Variants in TMEM232 observed in about 807,000 individuals in gnomAD.
The protein encoded by TMEM232 is transmembrane protein 232.
Under a neutral mutation model 78.8 loss-of-function variants are expected in TMEM232, and 80 were observed. The observed-to-expected ratio is 1.01, with a 90% CI of 0.85 to 1.22. TMEM232 has a LOEUF of 1.22. TMEM232 is among the 50% of genes most tolerant of loss of function. TMEM232 has a pLI of 0.00. For synonymous variants in TMEM232, 297 were observed against 254.3 expected (o/e 1.17, Z -1.60); for missense variants, 881 against 742.2 (o/e 1.19, Z -2.17).
chr5:110,605,304 A>G lies in TMEM232; in HGVS notation c.1081T>C (p.Tyr361His). 6.4e-7 allele frequency: 1 copy of G among 1,551,288 alleles called. No homozygotes were observed. The highest frequency in any genetic ancestry group is 8.7e-7 in the Non-Finnish European group (1 of 1,146,700). ...FSWAWNVVYI[Y>H]TVILAEICLY... Reference sequence around the variant, plus strand: ...CAGATTTCTGCAAGAATTACTGTATATATGTAGACTACATTCCAGGCCCAG... The same window carrying G: ...CAGATTTCTGCAAGAATTACTGTATGTATGTAGACTACATTCCAGGCCCAG... The change falls in exon 10 of 14, where the codon TAT (tyrosine) becomes CAT (histidine). Residue 361 changes from tyrosine to histidine, a missense_variant. Transcript: ENST00000455884.
chr5:110,432,630 A>G (rs1757985174), intron 12 of TMEM232, among the ~76,000 whole-genome samples: 1 of 151,790 alleles, frequency 6.6e-6, no homozygotes, highest in Non-Finnish European at 1.5e-5. Context: ...TAATATTTCA[A>G]TATTAATCTT....
At chr5:110,439,148 T>A (rs1038030193) in intron 12 of TMEM232, among the ~76,000 whole-genome samples, 1 of 152,106 alleles carries the variant, frequency 6.6e-6, no homozygotes, top group Non-Finnish European at 1.5e-5. Flanking sequence ...GCCTCAAGAT[T>A]ACAGCTGCCT....
intron 1 of TMEM232, among the ~76,000 whole-genome samples, chr5:110,714,273 T>C (rs913952251): frequency 6.6e-6 from 1 of 152,140 alleles, no homozygotes; most frequent in Non-Finnish European, 1.5e-5. Context: ...TAATCAATCA[T>C]CTCCCTCCAG....
At chr5:110,429,724 AT>A (rs1008588229) in intron 12 of TMEM232, among the ~76,000 whole-genome samples, 1 of 151,800 alleles carries the variant, frequency 6.6e-6, no homozygotes, top group African/African-American at 2.4e-5. Flanking sequence ...TTCCCCCCTT[AT>A]CCCACTTTTT....
chr5:110,458,035 A>G (rs912254373), intron 12 of TMEM232, among the ~76,000 whole-genome samples: 4 of 152,128 alleles, frequency 2.6e-5, no homozygotes, highest in Non-Finnish European at 5.9e-5. Flanking sequence ...TGCACATTTA[A>G]GTGCTTTACT....
At chr5:110,488,485 T>C (rs1442171691) in intron 12 of TMEM232, among the ~76,000 whole-genome samples, 2 of 152,136 alleles carry the variant, frequency 1.3e-5, no homozygotes, top group South Asian at 2.1e-4. Flanking sequence ...AAGCAATTGG[T>C]TCAAGAAGAA....
At chr5:110,407,793 C>A (rs1454935162) in intron 2 of TMEM232, among the ~76,000 whole-genome samples, 1 of 151,980 alleles carries the variant, frequency 6.6e-6, no homozygotes, top group Non-Finnish European at 1.5e-5. Context: ...CAAGCCTGTA[C>A]AAATTTTTTT....
In TMEM232 at chr5:110,605,241, A is replaced by C; in HGVS notation, c.1144T>G (p.Leu382Val). 6.4e-7 allele frequency: 1 copy of C among 1,551,238 alleles called. No homozygotes were observed. The highest frequency in any genetic ancestry group is 8.7e-7 in the Non-Finnish European group (1 of 1,146,726). ...CTTTTACAGTGACAGAAACCAATTA[A>C]AGCAGTTTTTCGCAAATCAGAAGTG... ...AATSDLRKTA[L>V]IGFCHCKSSQ... Residue 382 changes from leucine (L) to valine (V), a missense_variant, in exon 10 of 14, where the codon TTA (leucine) becomes GTA (valine). Leu to Val is a conservative substitution (Grantham distance 32, BLOSUM62 1). Coordinates refer to ENST00000455884, the MANE Select transcript of TMEM232 (RefSeq NM_001039763.4).
At chr5:110,550,146 A>G (rs1774274714) in intron 11 of TMEM232, among the ~76,000 whole-genome samples, 1 of 152,212 alleles carries the variant, frequency 6.6e-6, no homozygotes, top group Non-Finnish European at 1.5e-5. Flanking sequence ...ATTGGTCAAC[A>G]AAAGAAAATC....
chr5:110,537,291 A>ATATT (rs1554102698), intron 11 of TMEM232, among the ~76,000 whole-genome samples: 29 of 136,418 alleles, frequency 2.1e-4, no homozygotes, highest in Admixed American at 7.8e-4. Context: ...ATATATATAT[A>ATATT]TTTTTTTTTT....
intron 12 of TMEM232, among the ~76,000 whole-genome samples, chr5:110,518,715 A>C (rs1292215092): frequency 6.6e-6 from 1 of 152,168 alleles, no homozygotes; most frequent in African/African-American, 2.4e-5. Context: ...TGCTGCACTC[A>C]ATTATTACAG....
chr5:110,721,251 T>C (rs2150347345), intron 1 of TMEM232, among the ~76,000 whole-genome samples: 1 of 152,148 alleles, frequency 6.6e-6, no homozygotes, highest in South Asian at 2.1e-4. Context: ...CAACAAACAT[T>C]GATAGATTTT....
intron 2 of TMEM232, among the ~76,000 whole-genome samples, chr5:110,409,352 T>C (rs928766319): frequency 2.0e-5 from 3 of 152,136 alleles, no homozygotes; most frequent in African/African-American, 7.2e-5. Flanking sequence ...TTAATTAAGG[T>C]TGGTTGTGAA....
intron 6 of TMEM232, among the ~76,000 whole-genome samples, chr5:110,626,613 C>T (rs1215097855): frequency 1.3e-5 from 2 of 152,006 alleles, no homozygotes; most frequent in Non-Finnish European, 1.5e-5. Context: ...GACATATTTA[C>T]ATATCAGCAT....
intron 1 of TMEM232, among the ~76,000 whole-genome samples, chr5:110,721,178 T>C (rs532620951): frequency 6.6e-6 from 1 of 152,124 alleles, no homozygotes; most frequent in African/African-American, 2.4e-5. Context: ...ACCTCCTGAA[T>C]GTAAAAATAA....
At chr5:110,467,926 G>A (rs1472926359) in intron 12 of TMEM232, among the ~76,000 whole-genome samples, 1 of 151,848 alleles carries the variant, frequency 6.6e-6, no homozygotes, top group Non-Finnish European at 1.5e-5. Flanking sequence ...TTGGCTTTGG[G>A]TGCATCACCC....
At chr5:110,644,424 CCAAA>C (rs1266900979) in intron 2 of TMEM232, among the ~76,000 whole-genome samples, 1 of 151,398 alleles carries the variant, frequency 6.6e-6, no homozygotes, top group Non-Finnish European at 1.5e-5. Context: ...TTTTAATAAC[CCAAA>C]CATTCAGAGA....
At chr5:110,569,359 T>C (rs1776680147) in intron 10 of TMEM232, among the ~76,000 whole-genome samples, 1 of 151,896 alleles carries the variant, frequency 6.6e-6, no homozygotes, top group South Asian at 2.1e-4. Context: ...ATATTGTATA[T>C]TGCTATGCAG....
At chr5:110,447,060 A>C (rs1759731681) in intron 12 of TMEM232, among the ~76,000 whole-genome samples, 1 of 151,842 alleles carries the variant, frequency 6.6e-6, no homozygotes, top group Admixed American at 6.6e-5. Flanking sequence ...TCCCAAAGTG[A>C]GACAGGCACC....
Sources: gnomAD v4.1 joint callset for allele counts (sites outside exome capture counted in the v4.1 genomes callset) on GRCh38, gnomAD v4.1.1 for gene constraint, MANE v1.5 for transcripts, NCBI Gene and HGNC (gene_info 2026-07-23, HGNC 2026-07-21) for gene names.